Variants in MEGF11 observed in about 807,000 individuals in gnomAD.
MEGF11 encodes the protein multiple epidermal growth factor-like domains protein 11.
A neutral mutation model predicts 146.6 loss-of-function variants in MEGF11; 126 were observed. That is an observed-to-expected ratio of 0.86 (90% CI 0.74 to 1.00). MEGF11 has a LOEUF of 1.00. Among genes scored for constraint, MEGF11 ranks in the 50% least tolerant of loss-of-function variants. The pLI is 0.00. For synonymous variants in MEGF11, 532 were observed against 583.4 expected (o/e 0.91, Z 1.27); for missense variants, 1,509 against 1,521.2 (o/e 0.99, Z 0.13).
At chr15:65,914,023 A>G (rs777476970) in intron 19 of MEGF11, 50 bp from the exon 20 acceptor site, 13 of 1,480,518 alleles carry the variant, frequency 8.8e-6, no homozygotes, top group Middle Eastern at 1.9e-4. Flanking sequence ...CTTGCGCTTC[A>G]GGTCTCCTGG....
chr15:66,141,392 T>C (rs892863552), intron 1 of MEGF11, among the ~76,000 whole-genome samples: 4 of 151,486 alleles, frequency 2.6e-5, no homozygotes, highest in African/African-American at 9.7e-5. Context: ...GTTAATGCTA[T>C]TGTGAGAAAA....
chr15:66,135,156 C>A (rs1054771725), intron 1 of MEGF11, among the ~76,000 whole-genome samples: 3 of 152,180 alleles, frequency 2.0e-5, no homozygotes, highest in African/African-American at 7.2e-5. Context: ...ATAGATGGTA[C>A]CCAATGAACT....
intron 5 of MEGF11, among the ~76,000 whole-genome samples, chr15:66,037,726 C>T (rs1689466968): frequency 6.6e-6 from 1 of 152,192 alleles, no homozygotes; most frequent in African/African-American, 2.4e-5. Context: ...AGTTTATTTC[C>T]CTTATTAGAC....
Position 66,156,802 on chromosome 15 carries a change from G to C in MEGF11, c.-8-28391C>G, listed in dbSNP as rs111756701. On this transcript the variant is annotated intron_variant, in intron 1 of 25. Transcript: ENST00000395614. The stretch of plus-strand genomic sequence containing the variant: ...CCTCTGGGTGGTGTCTAAGATGAGA[G>C]GACTTTATCATCACAGTCCAATTTC... 2.9e-3 allele frequency among the ~76,000 whole-genome samples: 435 copies of C among 152,144 alleles called. 4 individuals carry two copies. Among genetic ancestry groups the C allele is most frequent in the African/African-American group, 0.01 (415 of 41,460 alleles).
intron 1 of MEGF11, among the ~76,000 whole-genome samples, chr15:66,218,519 C>T (rs893996035): frequency 5.3e-5 from 8 of 152,192 alleles, no homozygotes; most frequent in Admixed American, 1.3e-4. Context: ...GCCAATCAAA[C>T]CCTCCCTGCT....
chr15:66,027,791 A>T (rs1597006374), intron 5 of MEGF11, among the ~76,000 whole-genome samples: 1 of 152,212 alleles, frequency 6.6e-6, no homozygotes, highest in East Asian at 1.9e-4. Context: ...TGTTGGCCTG[A>T]TGTCCCCTGG....
chr15:66,140,615 C>T (rs995994939), intron 1 of MEGF11, among the ~76,000 whole-genome samples: 1 of 152,192 alleles, frequency 6.6e-6, no homozygotes, highest in African/African-American at 2.4e-5. Flanking sequence ...GTAATACATA[C>T]AGGGACTCAA....
chr15:66,196,894 T>G (rs887518145), intron 1 of MEGF11, among the ~76,000 whole-genome samples: 1 of 152,218 alleles, frequency 6.6e-6, no homozygotes, highest in Admixed American at 6.5e-5. Context: ...TGGTGTTTGC[T>G]AACAGTAAGT....
At chr15:66,118,325 G>A (rs1256293021) in intron 4 of MEGF11, among the ~76,000 whole-genome samples, 1 of 152,104 alleles carries the variant, frequency 6.6e-6, no homozygotes, top group Admixed American at 6.5e-5. Flanking sequence ...AAGCCCCATA[G>A]CTAGGAAGCC....
intron 24 of MEGF11, chr15:65,902,109 T>C (rs2078510069): frequency 6.6e-6 from 1 of 152,266 alleles, no homozygotes; most frequent in Non-Finnish European, 1.5e-5. Flanking sequence ...AGAAAAAGGC[T>C]AAGCTCTTAA....
At chr15:66,022,376 C>G (rs1170753340) in intron 5 of MEGF11, among the ~76,000 whole-genome samples, 1 of 152,264 alleles carries the variant, frequency 6.6e-6, no homozygotes, top group African/African-American at 2.4e-5. Context: ...TTTGACCACA[C>G]TGTTAGGTGA....
intron 10 of MEGF11, among the ~76,000 whole-genome samples, chr15:65,947,750 T>C (rs1250248287): frequency 6.6e-6 from 1 of 152,100 alleles, no homozygotes; most frequent in Non-Finnish European, 1.5e-5. Context: ...GCTGAAGACT[T>C]GGACAAAAAG....
At chr15:66,052,453 G>A (rs1048315400) in intron 5 of MEGF11, among the ~76,000 whole-genome samples, 14 of 152,150 alleles carry the variant, frequency 9.2e-5, no homozygotes, top group Admixed American at 1.3e-4. Context: ...GCACATAGAG[G>A]TTCTTGTCTC....
At chr15:66,225,104 G>C (rs922504765) in intron 1 of MEGF11, among the ~76,000 whole-genome samples, 2 of 152,244 alleles carry the variant, frequency 1.3e-5, no homozygotes, top group African/African-American at 2.4e-5. Flanking sequence ...GCTGGGCAGA[G>C]CAGCCAGCCA....
intron 19 of MEGF11, among the ~76,000 whole-genome samples, chr15:65,915,040 G>C (rs563315738): frequency 6.6e-6 from 1 of 152,154 alleles, no homozygotes; most frequent in Non-Finnish European, 1.5e-5. Flanking sequence ...TGGGCTCCTC[G>C]GCCTTCAGAG....
intron 2 of MEGF11, among the ~76,000 whole-genome samples, chr15:66,126,570 C>T (rs1028971994): frequency 2.6e-5 from 4 of 152,326 alleles, no homozygotes; most frequent in Admixed American, 2.6e-4. Context: ...AGGGGGCCCT[C>T]CCTGTGGGGG....
chr15:66,008,231 ATGT>A (rs969404254), intron 5 of MEGF11, among the ~76,000 whole-genome samples: 41 of 152,292 alleles, frequency 2.7e-4, no homozygotes, highest in African/African-American at 9.1e-4. Context: ...AAAAGTAGAG[ATGT>A]TGTAGTTGAA....
chr15:65,909,176 G>T (rs1428838554), intron 22 of MEGF11, 41 bp from the exon 23 acceptor site: 2 of 1,369,734 alleles, frequency 1.5e-6, no homozygotes, highest in Non-Finnish European at 2.0e-6. Flanking sequence ...TATTCCCAGG[G>T]CCCTGGTATA....
intron 1 of MEGF11, among the ~76,000 whole-genome samples, chr15:66,150,698 C>T (rs142254086): frequency 6.6e-6 from 1 of 152,024 alleles, no homozygotes; most frequent in African/African-American, 2.4e-5. Context: ...CATATGAGGG[C>T]AAGAACAGTC....
Sources: gnomAD v4.1 joint callset for allele counts (sites outside exome capture counted in the v4.1 genomes callset) on GRCh38, gnomAD v4.1.1 for gene constraint, MANE v1.5 for transcripts, NCBI Gene and HGNC (gene_info 2026-07-23, HGNC 2026-07-21) for gene names.